Variants in CALN1 observed in about 807,000 individuals in gnomAD.
The protein encoded by CALN1 is calcium-binding protein 8.
Under a neutral mutation model 30.6 loss-of-function variants are expected in CALN1, and 17 were observed. The observed-to-expected ratio is 0.56, with a 90% confidence interval of 0.38 to 0.83. The LOEUF (loss-of-function observed/expected upper bound fraction) is 0.83. CALN1 is among the 40% of genes least tolerant of loss of function. The pLI, the probability that CALN1 is intolerant of heterozygous loss-of-function variation, is 0.00. For missense variants in CALN1, 291 were observed against 354.9 expected, an observed-to-expected ratio of 0.82 and a Z score of 1.45; for synonymous variants, 156 against 131.4, an observed-to-expected ratio of 1.19 and a Z score of -1.28.
intron 3 of CALN1, among the ~76,000 whole-genome samples, chr7:72,245,623 T>C (rs577406707): frequency 1.5e-5 from 1 of 68,102 alleles, no homozygotes; most frequent in African/African-American, 5.0e-5. Context: ...CATCTCTAAA[T>C]AAATAAATAA....
chr7:72,115,678 G>A (rs569888251), intron 3 of CALN1, among the ~76,000 whole-genome samples: 80 of 151,664 alleles, frequency 5.3e-4, no homozygotes, highest in South Asian at 3.8e-3. Context: ...TAGTAGAGCC[G>A]GGTTTCGCCA....
chr7:72,083,303 G>A (rs776171965), intron 4 of CALN1, among the ~76,000 whole-genome samples: 16 of 152,194 alleles, frequency 1.1e-4, no homozygotes, highest in Non-Finnish European at 1.8e-4. Flanking sequence ...TTTAAAATAA[G>A]TATGATAAAT....
intron 1 of CALN1, among the ~76,000 whole-genome samples, chr7:72,420,485 G>A (rs907261302): frequency 6.6e-6 from 1 of 151,800 alleles, no homozygotes; most frequent in Non-Finnish European, 1.5e-5. Context: ...ACACCGAGAG[G>A]GAGAGGAGCT....
intron 2 of CALN1, among the ~76,000 whole-genome samples, chr7:72,295,744 C>T (rs981164366): frequency 6.6e-6 from 1 of 151,524 alleles, no homozygotes; most frequent in Non-Finnish European, 1.5e-5. Flanking sequence ...AGTTGCTTAT[C>T]AGCTTAAGGA....
At chr7:72,117,272 A>G (rs2129541958) in intron 3 of CALN1, among the ~76,000 whole-genome samples, 1 of 152,316 alleles carries the variant, frequency 6.6e-6, no homozygotes, top group East Asian at 1.9e-4. Context: ...AGCTATGATC[A>G]TACCACACTT....
At chr7:71,808,419 C>G (rs1787747028) in intron 6 of CALN1, among the ~76,000 whole-genome samples, 1 of 151,180 alleles carries the variant, frequency 6.6e-6, no homozygotes, top group Non-Finnish European at 1.5e-5. Context: ...TTTTAATAAA[C>G]ATAATACTTG....
At chr7:72,277,054 T>C (rs913684085) in intron 3 of CALN1, among the ~76,000 whole-genome samples, 4 of 151,948 alleles carry the variant, frequency 2.6e-5, no homozygotes, top group African/African-American at 9.7e-5. Context: ...TTTCTGTTCT[T>C]TATGAGCCAC....
chr7:71,853,548 T>C (rs1424343407), intron 5 of CALN1, among the ~76,000 whole-genome samples: 1 of 152,070 alleles, frequency 6.6e-6, no homozygotes, highest in Admixed American at 6.6e-5. Context: ...TTTTCCTGTT[T>C]AACTGAAATC....
chr7:71,983,784 G>A (rs549905584), intron 5 of CALN1, among the ~76,000 whole-genome samples: 1 of 152,052 alleles, frequency 6.6e-6, no homozygotes, highest in South Asian at 2.1e-4. Flanking sequence ...CACCCACCTC[G>A]GCCTCCCAAA....
intron 3 of CALN1, among the ~76,000 whole-genome samples, chr7:72,129,423 G>C (rs1808986102): frequency 1.3e-5 from 2 of 152,242 alleles, no homozygotes; most frequent in South Asian, 4.2e-4. Context: ...CAGGCTAGTG[G>C]CTGTAATATT....
rs974691225 is a variant in CALN1, at chr7:72,188,245, G to A, written c.245-81951C>T. ...CCCAAATGTCCATCAATCAACAGGT[G>A]GATAAAGAAACTGAGATATATATAC... On this transcript the variant is annotated intron_variant, in intron 3 of 6. Coordinates refer to ENST00000395275, the MANE Select transcript of CALN1 (RefSeq NM_031468.4). 6.6e-5 allele frequency among the ~76,000 whole-genome samples: 10 copies of A among 151,698 alleles called. No individual in the cohort carries two copies. In the South Asian group the frequency reaches 1.9e-3, roughly 28 times the overall value.
chr7:72,142,562 G>T (rs533402802), intron 3 of CALN1, among the ~76,000 whole-genome samples: 2 of 152,196 alleles, frequency 1.3e-5, no homozygotes, highest in Non-Finnish European at 2.9e-5. Context: ...GGGCATAGCC[G>T]AACAAAACGC....
intron 4 of CALN1, among the ~76,000 whole-genome samples, chr7:72,083,733 A>C (rs1310345359): frequency 2.6e-5 from 4 of 152,192 alleles, no homozygotes; most frequent in Non-Finnish European, 4.4e-5. Context: ...ATCCTGGCCA[A>C]CATGGTGAAA....
intron 3 of CALN1, among the ~76,000 whole-genome samples, chr7:72,236,232 T>C (rs1794468709): frequency 6.6e-6 from 1 of 152,186 alleles, no homozygotes; most frequent in Non-Finnish European, 1.5e-5. Flanking sequence ...CGTCTCTCAC[T>C]TACGTAAAGG....
intron 3 of CALN1, among the ~76,000 whole-genome samples, chr7:72,265,566 T>C (rs1291420702): frequency 6.6e-6 from 1 of 152,114 alleles, no homozygotes; most frequent in Non-Finnish European, 1.5e-5. Context: ...CGATGGGGCT[T>C]AATTAGCTTA....
chr7:72,396,144 T>C (rs1805922615), intron 2 of CALN1, among the ~76,000 whole-genome samples: 1 of 147,216 alleles, frequency 6.8e-6, no homozygotes, highest in East Asian at 2.0e-4. Flanking sequence ...AAGCCTGTAA[T>C]CCTAGCACTT....
At chr7:72,361,727 T>C (rs1803581518) in intron 2 of CALN1, among the ~76,000 whole-genome samples, 1 of 152,108 alleles carries the variant, frequency 6.6e-6, no homozygotes, top group African/African-American at 2.4e-5. Context: ...GAGAAAGAAG[T>C]AAAAAGAACG....
At chr7:71,940,669 T>C (rs1796078471) in intron 5 of CALN1, among the ~76,000 whole-genome samples, 1 of 152,180 alleles carries the variant, frequency 6.6e-6, no homozygotes, top group Admixed American at 6.6e-5. Flanking sequence ...AGTGGCATGA[T>C]CTCAGCTCAT....
chr7:72,180,587 T>C (rs1789697585), intron 3 of CALN1, among the ~76,000 whole-genome samples: 1 of 148,940 alleles, frequency 6.7e-6, no homozygotes, highest in South Asian at 2.1e-4. Context: ...CTATTTGAAA[T>C]ACTGTTTATG....
Sources: gnomAD v4.1 joint callset for allele counts (sites outside exome capture counted in the v4.1 genomes callset) on GRCh38, gnomAD v4.1.1 for gene constraint, MANE v1.5 for transcripts, NCBI Gene and HGNC (gene_info 2026-07-23, HGNC 2026-07-21) for gene names.